Variants in MAP3K5 observed in about 807,000 individuals in gnomAD.
MAP3K5 encodes the protein ASK-1.
A neutral mutation model predicts 158.7 loss-of-function variants in MAP3K5; 56 were observed. The observed-to-expected ratio is 0.35, with a 90% CI of 0.28 to 0.44. The LOEUF (loss-of-function observed/expected upper bound fraction) is 0.44, where lower values mean the gene tolerates loss of function less well. MAP3K5 is among the 20% of genes least tolerant of loss of function. MAP3K5 has a pLI of 1.00. For missense variants in MAP3K5, 1,294 were observed against 1,674.8 expected (o/e 0.77, Z 3.97); for synonymous variants, 579 against 601.7 (o/e 0.96, Z 0.55).
rs1266911449 is a variant in MAP3K5, at chr6:136,757,575, A to ATTTT, written c.448+34134_448+34135insAAAA. ...GAGAACTCATTTTATAGATTTATTT[A>ATTTT]TTTATTTTTTATTTTTTTTTTTTTT... On this transcript the variant is annotated intron_variant, in intron 1 of 29. Transcript: ENST00000359015. 6.6e-4 allele frequency among the ~76,000 whole-genome samples: 73 copies of ATTTT among 111,288 alleles called. 1 individual carries two copies. Among genetic ancestry groups the ATTTT allele is most frequent in the African/African-American group, 2.1e-3 (63 of 30,372 alleles). 73.0% of individuals were successfully genotyped at this position (111,288 alleles called of 152,430 possible).
intron 1 of MAP3K5, among the ~76,000 whole-genome samples, chr6:136,767,217 G>A (rs1452236749): frequency 6.6e-6 from 1 of 152,146 alleles, no homozygotes; most frequent in Admixed American, 6.5e-5. Context: ...TTCAAAGCCA[G>A]AGTCTACTAA....
chr6:136,651,511 T>C (rs948583650), intron 10 of MAP3K5, among the ~76,000 whole-genome samples: 4 of 152,214 alleles, frequency 2.6e-5, no homozygotes, highest in Admixed American at 2.6e-4. Flanking sequence ...TTTTAGTTTT[T>C]CTGCTATCAC....
intron 1 of MAP3K5, among the ~76,000 whole-genome samples, chr6:136,741,637 G>A (rs1279033818): frequency 6.6e-6 from 1 of 151,790 alleles, no homozygotes; most frequent in Non-Finnish European, 1.5e-5. Context: ...GGAAATCCCA[G>A]CTAATGAAAT....
At chr6:136,633,812 G>A (rs1009342357) in intron 14 of MAP3K5, among the ~76,000 whole-genome samples, 3 of 152,218 alleles carry the variant, frequency 2.0e-5, no homozygotes, top group African/African-American at 7.2e-5. Context: ...CACCCTAAGT[G>A]AAGTTAAAAA....
At chr6:136,742,133 T>C (rs9494565) in intron 1 of MAP3K5, among the ~76,000 whole-genome samples, 19,037 of 152,194 alleles carry the variant, frequency 0.13, 4,026 homozygotes, top group African/African-American at 0.43. Context: ...TTGGTGGATA[T>C]TGACAAATTG....
At chr6:136,751,650 T>C (rs1783214137) in intron 1 of MAP3K5, among the ~76,000 whole-genome samples, 2 of 152,212 alleles carry the variant, frequency 1.3e-5, no homozygotes, top group African/African-American at 4.8e-5. Context: ...CTAGAAAAAC[T>C]GTGAAGACTG....
intron 7 of MAP3K5, among the ~76,000 whole-genome samples, chr6:136,676,443 CTG>C (rs1352859635): frequency 1.3e-5 from 2 of 152,172 alleles, no homozygotes; most frequent in African/African-American, 4.8e-5. Flanking sequence ...ATCACTTTCA[CTG>C]TGTTACATTA....
rs1344585020 is a variant in MAP3K5, at chr6:136,758,269, TA to T, written c.448+33440del. 7.9e-5 allele frequency among the ~76,000 whole-genome samples: 12 copies of T among 152,052 alleles called. No homozygotes were observed. The East Asian group carries it at 1.5e-3, about 20-fold the overall frequency. On this transcript the variant is annotated intron_variant, in intron 1 of 29. Coordinates refer to ENST00000359015, the MANE Select transcript of MAP3K5 (RefSeq NM_005923.4). ...GTTCTTATATAATATTTTAGAGCAC[TA>T]AAAAAAATTACATAACAAAGCCTTG...
At position 136,709,453 on chromosome 6, in the gene MAP3K5, C is replaced by A. The variant is rs79676766; in HGVS notation, c.589-4320G>T. Among the ~76,000 whole-genome samples the A allele has an allele frequency of 6.3e-3, 953 of 152,116 alleles. 11 individuals are homozygous for A. Among genetic ancestry groups the A allele is most frequent in the African/African-American group, 0.022 (914 of 41,508 alleles). On this transcript the variant is annotated intron_variant, in intron 2 of 29. Transcript: ENST00000359015. ...AAGGGCTCTCATAGTCAGTCTTGTC[C>A]TTGTGCTGCTAGAAGGAGAGATGCC...
rs1583401078 is a variant in MAP3K5 at position 136,677,336 on chromosome 6, A to C, written c.1254-7941T>G. On this transcript the variant is annotated intron_variant, in intron 7 of 29. Coordinates refer to ENST00000359015, the MANE Select transcript of MAP3K5 (RefSeq NM_005923.4). ...GCATTTTTAGTAGAGACAGGGTTTCACCGTGTTAACCAGGATGGTCTCGAT... is the reference window on the plus strand; with the variant it reads ...GCATTTTTAGTAGAGACAGGGTTTCCCCGTGTTAACCAGGATGGTCTCGAT... 2.6e-5 allele frequency among the ~76,000 whole-genome samples: 4 copies of C among 151,966 alleles called. No homozygotes were observed. The South Asian group carries it at 8.3e-4, about 32-fold the overall frequency.
intron 1 of MAP3K5, among the ~76,000 whole-genome samples, chr6:136,772,953 A>G (rs1784268696): frequency 6.6e-6 from 1 of 151,852 alleles, no homozygotes; most frequent in Admixed American, 6.6e-5. Flanking sequence ...ACCTCTGTAA[A>G]TTGGGTTCAA....
At chr6:136,725,254 G>A (rs1583483486) in intron 1 of MAP3K5, among the ~76,000 whole-genome samples, 1 of 152,284 alleles carries the variant, frequency 6.6e-6, no homozygotes, top group Non-Finnish European at 1.5e-5. Flanking sequence ...GTAAGGGTAT[G>A]TTTACCTTAA....
At chr6:136,648,530 T>C (rs962727967) in intron 11 of MAP3K5, among the ~76,000 whole-genome samples, 1 of 152,192 alleles carries the variant, frequency 6.6e-6, no homozygotes, top group African/African-American at 2.4e-5. Flanking sequence ...TCTCCATGCT[T>C]ATTATGTAAT....
intron 2 of MAP3K5, among the ~76,000 whole-genome samples, chr6:136,714,911 G>A (rs1298249761): frequency 6.6e-6 from 1 of 152,190 alleles, no homozygotes; most frequent in Non-Finnish European, 1.5e-5. Context: ...CAGAGTAAGG[G>A]TTTCAAGCAT....
At chr6:136,637,507 A>G in intron 13 of MAP3K5, 101 bp from the exon 14 acceptor site, 1 of 755,678 alleles carries the variant, frequency 1.3e-6, no homozygotes, top group Non-Finnish European at 2.4e-6. Context: ...GAGAGCTAAG[A>G]GAGTCTCCAG....
At chr6:136,705,351 A>G (rs541494436) in intron 2 of MAP3K5, among the ~76,000 whole-genome samples, 64 of 152,236 alleles carry the variant, frequency 4.2e-4, no homozygotes, top group African/African-American at 1.3e-3. Context: ...CTGGAGTACA[A>G]TGGCACAATC....
intron 1 of MAP3K5, among the ~76,000 whole-genome samples, chr6:136,763,106 C>T (rs1004463113): frequency 4.6e-5 from 7 of 152,218 alleles, no homozygotes; most frequent in Admixed American, 3.9e-4. Flanking sequence ...CGTCCTCCCA[C>T]CTCAGCCTCT....
At chr6:136,684,218 AT>A (rs201788342) in intron 7 of MAP3K5, among the ~76,000 whole-genome samples, 29 of 150,616 alleles carry the variant, frequency 1.9e-4, no homozygotes, top group African/African-American at 5.9e-4. Flanking sequence ...CCCTATCTCA[AT>A]TTTTTTTTTA....
intron 15 of MAP3K5, 87 bp from the exon 16 acceptor site, chr6:136,614,373 C>A: frequency 6.9e-7 from 1 of 1,449,356 alleles, no homozygotes; most frequent in South Asian, 1.2e-5. Context: ...AAATGTCAGC[C>A]AAATATATGT....
Sources: gnomAD v4.1 joint callset for allele counts (sites outside exome capture counted in the v4.1 genomes callset) on GRCh38, gnomAD v4.1.1 for gene constraint, MANE v1.5 for transcripts, NCBI Gene and HGNC (gene_info 2026-07-23, HGNC 2026-07-21) for gene names.